Variants in MSH4 observed in about 807,000 individuals in gnomAD.
MSH4 encodes the protein mutS protein homolog 4.
A neutral mutation model predicts 113.7 loss-of-function variants in MSH4; 106 were observed. The ratio of observed to expected loss-of-function variants is 0.93; its 90% CI spans 0.80 to 1.10. The LOEUF (loss-of-function observed/expected upper bound fraction) is 1.10. Among genes scored for constraint, MSH4 ranks in the 50% least tolerant of loss-of-function variants. The probability of loss-of-function intolerance (pLI) is 0.00; values close to 1 mark genes in which losing one functional copy is unlikely to be tolerated. For synonymous variants in MSH4, 368 were observed against 380.2 expected (o/e 0.97, Z 0.37); for missense variants, 1,061 against 1,093.7 (o/e 0.97, Z 0.42).
chr1:75,821,209 C>G (rs529467637), intron 6 of MSH4, among the ~76,000 whole-genome samples: 6,268 of 151,938 alleles, frequency 0.041, 150 homozygotes, highest in African/African-American at 0.045. Context: ...AACTGTCTCT[C>G]AGACCACAGT....
chr1:75,881,478 G>T, intron 14 of MSH4, 108 bp downstream of exon 14: 1 of 1,151,456 alleles, frequency 8.7e-7, no homozygotes, highest in East Asian at 2.6e-5. Flanking sequence ...TTGAAATAGA[G>T]TCTCTTGCCT....
intron 15 of MSH4, among the ~76,000 whole-genome samples, chr1:75,886,490 TTATATATGATGTATTATATATAA>T (rs1407833689): frequency 1.6e-5 from 2 of 124,380 alleles, no homozygotes; most frequent in Non-Finnish European, 3.1e-5. Context: ...ATATGATGTA[TTATATATGATGTATTATATATAA>T]TATATATGAT....
chr1:75,848,021 C>T (rs1457193495), intron 7 of MSH4, among the ~76,000 whole-genome samples, 188 bp from the exon 8 acceptor site: 1 of 151,882 alleles, frequency 6.6e-6, no homozygotes. Context: ...ATTGAGTAAT[C>T]AAAATTAACA....
intron 19 of MSH4, among the ~76,000 whole-genome samples, chr1:75,911,397 C>G (rs1435934001): frequency 6.6e-6 from 1 of 152,062 alleles, no homozygotes; most frequent in Non-Finnish European, 1.5e-5. Context: ...TGGAATACCC[C>G]CTCTTCTAGG....
At chr1:75,798,559 CTTT>C (rs35974049) in intron 1 of MSH4, among the ~76,000 whole-genome samples, 1 of 137,654 alleles carries the variant, frequency 7.3e-6, no homozygotes, top group Non-Finnish European at 1.5e-5. Context: ...CCTCTCTGCA[CTTT>C]TTTTTTTTTT....
At chr1:75,829,074 A>G (rs2100527859) in intron 7 of MSH4, among the ~76,000 whole-genome samples, 1 of 152,228 alleles carries the variant, frequency 6.6e-6, no homozygotes, top group Non-Finnish European at 1.5e-5. Context: ...GAAAATTGGG[A>G]CACTCCCACC....
intron 7 of MSH4, among the ~76,000 whole-genome samples, chr1:75,822,970 C>T (rs1223753058): frequency 6.6e-6 from 1 of 152,134 alleles, no homozygotes; most frequent in East Asian, 1.9e-4. Context: ...CTAGTACCTA[C>T]TCCATGGTTT....
intron 7 of MSH4, among the ~76,000 whole-genome samples, chr1:75,840,631 C>T (rs918815502): frequency 1.3e-5 from 2 of 149,936 alleles, no homozygotes; most frequent in South Asian, 4.2e-4. Flanking sequence ...AACTAACCTG[C>T]ACATTGTGCA....
At chr1:75,862,616 A>C (rs1186006968) in intron 8 of MSH4, among the ~76,000 whole-genome samples, 1 of 152,160 alleles carries the variant, frequency 6.6e-6, no homozygotes. Context: ...CATGGCCTTC[A>C]TTATTTCTTA....
chr1:75,910,617 T>C (rs1016420787), intron 19 of MSH4, among the ~76,000 whole-genome samples: 1 of 152,052 alleles, frequency 6.6e-6, no homozygotes, highest in Non-Finnish European at 1.5e-5. Flanking sequence ...TATAAAAGTT[T>C]CTAAGATTTT....
chr1:75,878,901 A>G (rs1651871742), intron 11 of MSH4, 91 bp from the exon 12 acceptor site: 1 of 1,141,710 alleles, frequency 8.8e-7, no homozygotes, highest in Admixed American at 2.5e-5. Flanking sequence ...AAGAATTTAA[A>G]AACCATGTGA....
chr1:75,810,737 TA>T lies in MSH4; in HGVS notation c.631del (p.Met211CysfsTer17), dbSNP rs755775846. The T allele has an allele frequency of 6.3e-7, 1 of 1,580,584 alleles. No individual in the cohort carries two copies. The highest frequency in any genetic ancestry group is 1.2e-5 in the South Asian group (1 of 83,708). The stretch of plus-strand genomic sequence containing the variant: ...AAAATTTTATCACCTTTGGAAATAA[TA>T]ATGTCAAATACTGCTTGTGCTGTGG... ...KLKILSPLEIIMSNTACAVGN... is the reference protein window; with the variant it reads ...KLKILSPLEIXMSNTACAVGN... On this transcript the variant is annotated frameshift_variant, in exon 4 of 20. Coordinates refer to ENST00000263187, the MANE Select transcript of MSH4 (RefSeq NM_002440.4). LOFTEE classifies it high-confidence loss of function.
At chr1:75,815,740 A>AT (rs1650280015) in intron 5 of MSH4, among the ~76,000 whole-genome samples, 1 of 152,038 alleles carries the variant, frequency 6.6e-6, no homozygotes, top group Admixed American at 6.6e-5. Flanking sequence ...AAAGTACCGG[A>AT]TTTTTCCAGG....
chr1:75,808,067 T>C (rs1021588484), intron 3 of MSH4, among the ~76,000 whole-genome samples: 2 of 152,212 alleles, frequency 1.3e-5, no homozygotes, highest in African/African-American at 4.8e-5. Context: ...TGAAGACATG[T>C]CCTTTTTGTA....
At chr1:75,810,357 C>T (rs1650161988) in intron 3 of MSH4, among the ~76,000 whole-genome samples, 1 of 151,452 alleles carries the variant, frequency 6.6e-6, no homozygotes, top group Non-Finnish European at 1.5e-5. Context: ...CATGCCTCAG[C>T]CTCCTGAGTA....
intron 15 of MSH4, among the ~76,000 whole-genome samples, chr1:75,888,694 A>G (rs570377749): frequency 1.3e-5 from 2 of 152,156 alleles, no homozygotes; most frequent in South Asian, 4.1e-4. Context: ...ACCATGTATA[A>G]TGATTAGATC....
At chr1:75,895,105 G>A (rs1247423250) in intron 17 of MSH4, among the ~76,000 whole-genome samples, 1 of 151,996 alleles carries the variant, frequency 6.6e-6, no homozygotes, top group East Asian at 1.9e-4. Context: ...AAGAGACATA[G>A]TGATAACTTT....
intron 17 of MSH4, among the ~76,000 whole-genome samples, chr1:75,893,957 G>T (rs1217107788): frequency 2.0e-5 from 3 of 152,168 alleles, no homozygotes; most frequent in African/African-American, 7.2e-5. Flanking sequence ...TTAATGCAGG[G>T]ATTCAAAGCT....
At chr1:75,886,672 C>T (rs1652125959) in intron 15 of MSH4, among the ~76,000 whole-genome samples, 2 of 126,122 alleles carry the variant, frequency 1.6e-5, no homozygotes, top group South Asian at 4.8e-4. Context: ...ATACATTATA[C>T]ATTATATACA....
Sources: allele counts gnomAD v4.1 joint callset (sites outside exome capture counted in the v4.1 genomes callset), GRCh38; gene constraint gnomAD v4.1.1; transcripts MANE v1.5; gene names NCBI Gene and HGNC (gene_info 2026-07-23, HGNC 2026-07-21).